CCDC175: variants seen among roughly 807,000 people sequenced by gnomAD.
CCDC175 encodes coiled-coil domain-containing protein 175.
Under a neutral mutation model 114.6 loss-of-function variants are expected in CCDC175, and 100 were observed. That is an observed-to-expected ratio of 0.87 (90% CI 0.74 to 1.03). The LOEUF (loss-of-function observed/expected upper bound fraction) is 1.03. CCDC175 is among the 50% of genes least tolerant of loss of function. The pLI, the probability that CCDC175 is intolerant of heterozygous loss-of-function variation, is 0.00. For missense variants in CCDC175, 880 were observed against 917.8 expected (o/e 0.96, Z 0.53); for synonymous variants, 306 against 308.7 (o/e 0.99, Z 0.09).
chr14:59,520,473 T>C (rs1236328623), intron 17 of CCDC175, among the ~76,000 whole-genome samples: 1 of 152,232 alleles, frequency 6.6e-6, no homozygotes, highest in Non-Finnish European at 1.5e-5. Context: ...CACTAATTGC[T>C]ATATAATTCA....
intron 17 of CCDC175, among the ~76,000 whole-genome samples, chr14:59,516,762 C>A (rs373054949): frequency 2.6e-5 from 4 of 152,106 alleles, no homozygotes; most frequent in South Asian, 2.1e-4. Flanking sequence ...TGGTACCATT[C>A]CTTCTGAAAC....
At chr14:59,555,930 A>G (rs1396227126) in intron 7 of CCDC175, among the ~76,000 whole-genome samples, 2 of 152,256 alleles carry the variant, frequency 1.3e-5, no homozygotes, top group East Asian at 1.9e-4. Context: ...ACCTCTTCAA[A>G]GAGAACTACA....
chr14:59,543,558 C>T (rs1157707537), intron 9 of CCDC175, 104 bp from the exon 10 acceptor site: 1 of 424,542 alleles, frequency 2.4e-6, no homozygotes, highest in Admixed American at 4.3e-5. Flanking sequence ...GAGCTATTTG[C>T]TACATAAATT....
intron 2 of CCDC175, among the ~76,000 whole-genome samples, chr14:59,574,030 A>G (rs1418493512): frequency 6.6e-6 from 1 of 152,212 alleles, no homozygotes; most frequent in African/African-American, 2.4e-5. Flanking sequence ...ACATAACTGA[A>G]AGAAAGAACC....
chr14:59,519,509 G>T (rs1437309719), intron 17 of CCDC175, among the ~76,000 whole-genome samples: 1 of 152,136 alleles, frequency 6.6e-6, no homozygotes, highest in Non-Finnish European at 1.5e-5. Context: ...TACTCTTTCT[G>T]AGACACCATG....
chr14:59,576,675 G>A lies in CCDC175; in HGVS notation c.101C>T (p.Pro34Leu). The change falls in exon 1 of 20, where the codon CCC becomes CTC. Residue 34 changes from proline to leucine, a missense_variant. By Grantham distance (98) the Pro-to-Leu change is moderately conservative (BLOSUM62 -3). Transcript: ENST00000537690. ...TGPSLELCTL[P>L]STLGSSVAVE... ...CGCGACCGAGGAGCCCAGGGTGGAG[G>A]GTAAGGTGCATAACTCCAGGGAGGG... 6.7e-6 allele frequency: 10 copies of A among 1,486,660 alleles called. No homozygotes were observed. Among genetic ancestry groups the A allele is most frequent in the African/African-American group, 1.4e-5 (1 of 69,218 alleles). The allele number at this position is 1,486,660 out of a possible 1,614,324, so 92.1% of individuals were successfully genotyped here.
chr14:59,533,770 C>T (rs1191661728), intron 13 of CCDC175, among the ~76,000 whole-genome samples: 1 of 152,014 alleles, frequency 6.6e-6, no homozygotes, highest in Non-Finnish European at 1.5e-5. Flanking sequence ...GGGCAGATCA[C>T]AAGGTCAGGA....
chr14:59,531,267 A>C (rs546726616), intron 14 of CCDC175, among the ~76,000 whole-genome samples: 2 of 152,298 alleles, frequency 1.3e-5, no homozygotes, highest in African/African-American at 4.8e-5. Flanking sequence ...TAAAATATGC[A>C]TACTTTCGGA....
intron 13 of CCDC175, among the ~76,000 whole-genome samples, chr14:59,533,590 C>T (rs1484391777): frequency 6.6e-6 from 1 of 152,122 alleles, no homozygotes; most frequent in African/African-American, 2.4e-5. Context: ...TGAATAAATA[C>T]AAAGAAGCTA....
At chr14:59,575,086 C>T (rs1897035721) in intron 1 of CCDC175, 58 bp from the exon 2 acceptor site, 2 of 965,062 alleles carry the variant, frequency 2.1e-6, no homozygotes, top group African/African-American at 1.7e-5. Flanking sequence ...TCCTACTTAA[C>T]CTTTTATGAT....
At chr14:59,512,715 T>C (rs2139956598) in intron 17 of CCDC175, among the ~76,000 whole-genome samples, 1 of 152,256 alleles carries the variant, frequency 6.6e-6, no homozygotes, top group South Asian at 2.1e-4. Flanking sequence ...TACTATATTC[T>C]TGGATTAGAA....
At chr14:59,538,599 AG>A in intron 12 of CCDC175, 105 bp downstream of exon 12, 1 of 976,528 alleles carries the variant, frequency 1.0e-6, no homozygotes, top group Non-Finnish European at 1.4e-6. Context: ...TGAAATCAGC[AG>A]AAAGGAAAAT....
At chr14:59,565,470 C>T (rs372452439) in intron 4 of CCDC175, among the ~76,000 whole-genome samples, 195 bp from the exon 5 acceptor site, 2 of 152,068 alleles carry the variant, frequency 1.3e-5, no homozygotes, top group Non-Finnish European at 2.9e-5. Context: ...TTTGGGAGGC[C>T]GAGGTGGGCA....
chr14:59,553,950 C>T (rs1466758980), intron 7 of CCDC175, among the ~76,000 whole-genome samples: 1 of 152,138 alleles, frequency 6.6e-6, no homozygotes, highest in Non-Finnish European at 1.5e-5. Context: ...TACAGGAGCA[C>T]CCAGATTCAT....
chr14:59,512,730 T>C (rs1892824558), intron 17 of CCDC175, among the ~76,000 whole-genome samples: 1 of 152,078 alleles, frequency 6.6e-6, no homozygotes, highest in Admixed American at 6.5e-5. Flanking sequence ...TTAGAAAATA[T>C]AATTTCATTA....
At chr14:59,551,613 C>G (rs1028399629) in intron 7 of CCDC175, among the ~76,000 whole-genome samples, 177 bp from the exon 8 acceptor site, 1 of 152,162 alleles carries the variant, frequency 6.6e-6, no homozygotes, top group Non-Finnish European at 1.5e-5. Flanking sequence ...GCGTGTTGGA[C>G]AGTGGGTGCA....
chr14:59,534,509 C>T (rs539103407), intron 13 of CCDC175, among the ~76,000 whole-genome samples: 50 of 152,292 alleles, frequency 3.3e-4, no homozygotes, highest in African/African-American at 1.2e-3. Flanking sequence ...TGACTTCAGG[C>T]CCCAGCACCA....
In CCDC175 at chr14:59,513,590, A is replaced by C. The variant is rs187902662; in HGVS notation, c.2099-1787T>G. The stretch of plus-strand genomic sequence containing the variant: ...ATTGCTAGCACAGCAGTCTGAGATC[A>C]AACTGCAAGGCAGCAGCGAGGCTGG... On this transcript the variant is annotated intron_variant, in intron 17 of 19. Transcript: ENST00000537690. Among the ~76,000 whole-genome samples, 319 of 152,312 alleles carry C rather than the reference A, an allele frequency of 2.1e-3. 1 individual carries two copies. Among genetic ancestry groups the C allele is most frequent in the African/African-American group, 6.9e-3 (286 of 41,568 alleles).
At chr14:59,549,863 G>A (rs1229287144) in intron 8 of CCDC175, among the ~76,000 whole-genome samples, 1 of 152,110 alleles carries the variant, frequency 6.6e-6, no homozygotes, top group Non-Finnish European at 1.5e-5. Flanking sequence ...TGTCTAGTGT[G>A]TATGTATATT....
Sources: gnomAD v4.1 joint callset for allele counts (sites outside exome capture counted in the v4.1 genomes callset) on GRCh38, gnomAD v4.1.1 for gene constraint, MANE v1.5 for transcripts, NCBI Gene and HGNC (gene_info 2026-07-23, HGNC 2026-07-21) for gene names.